The following BMPR1B variants were observed in gnomAD, a reference collection of about 807,000 sequenced individuals.
BMPR1B encodes bone morphogenetic protein receptor type 1B.
In BMPR1B, 12 loss-of-function variants were observed where a neutral mutation model predicts 59.1. The observed-to-expected ratio is 0.20, with a 90% CI of 0.13 to 0.33. The LOEUF (loss-of-function observed/expected upper bound fraction) is 0.33, where lower values mean the gene tolerates loss of function less well. Ranked by LOEUF, BMPR1B falls within the 10% of genes least tolerant of loss-of-function variation. The pLI is 1.00. For synonymous variants in BMPR1B, 237 were observed against 207.3 expected (o/e 1.14, Z -1.23); for missense variants, 550 against 610.9 (o/e 0.90, Z 1.05).
At chr4:95,106,926 A>ATT (rs67979011) in intron 4 of BMPR1B, among the ~76,000 whole-genome samples, 2 of 144,072 alleles carry the variant, frequency 1.4e-5, no homozygotes, top group African/African-American at 2.5e-5. Context: ...ACATTTCTTC[A>ATT]TTTTTTTTTT....
intron 2 of BMPR1B, among the ~76,000 whole-genome samples, chr4:94,918,344 A>G (rs935805999): frequency 3.3e-5 from 5 of 152,284 alleles, no homozygotes; most frequent in African/African-American, 1.2e-4. Flanking sequence ...TTAAATGGCA[A>G]ATGTAGCAAT....
intron 11 of BMPR1B, among the ~76,000 whole-genome samples, chr4:95,151,838 T>C (rs1264915070): frequency 1.3e-5 from 2 of 152,168 alleles, no homozygotes; most frequent in Non-Finnish European, 2.9e-5. Flanking sequence ...CAGCAGCCTC[T>C]AATGTAATTA....
chr4:94,842,108 C>T (rs368862162), intron 1 of BMPR1B, among the ~76,000 whole-genome samples: 2 of 152,166 alleles, frequency 1.3e-5, no homozygotes, highest in East Asian at 3.9e-4. Context: ...GGACAAGTAG[C>T]CTGAAGCACA....
At chr4:95,050,254 CAA>C (rs1456590806) in intron 3 of BMPR1B, among the ~76,000 whole-genome samples, 1 of 152,106 alleles carries the variant, frequency 6.6e-6, no homozygotes, top group African/African-American at 2.4e-5. Context: ...AAATATTACT[CAA>C]AGACAGTTCT....
intron 3 of BMPR1B, among the ~76,000 whole-genome samples, chr4:95,012,821 A>T (rs1281222817): frequency 6.6e-6 from 1 of 152,156 alleles, no homozygotes; most frequent in Non-Finnish European, 1.5e-5. Context: ...TTACACAAAG[A>T]TGATAAAATA....
chr4:94,758,456 G>T (rs1721617351), intron 1 of BMPR1B, among the ~76,000 whole-genome samples: 1 of 151,912 alleles, frequency 6.6e-6, no homozygotes, highest in Non-Finnish European at 1.5e-5. Flanking sequence ...TCGGACCTGC[G>T]AGCGGAGGGA....
chr4:94,880,381 A>G (rs1031053769), intron 2 of BMPR1B, among the ~76,000 whole-genome samples: 4 of 152,142 alleles, frequency 2.6e-5, no homozygotes, highest in African/African-American at 7.2e-5. Context: ...CTGGAGTACA[A>G]TGGCACGATC....
intron 1 of BMPR1B, among the ~76,000 whole-genome samples, chr4:94,813,054 T>C (rs755339677): frequency 2.0e-5 from 3 of 152,076 alleles, no homozygotes; most frequent in Non-Finnish European, 2.9e-5. Flanking sequence ...TCTAATTTTA[T>C]TAACCAATTG....
intron 1 of BMPR1B, among the ~76,000 whole-genome samples, chr4:94,790,502 G>A (rs1722939085): frequency 6.6e-6 from 1 of 152,084 alleles, no homozygotes; most frequent in South Asian, 2.1e-4. Flanking sequence ...ATCCATTCTT[G>A]CTGCCTTCTC....
chr4:94,999,155 G>T (rs1455706542), intron 3 of BMPR1B, among the ~76,000 whole-genome samples: 1 of 152,014 alleles, frequency 6.6e-6, no homozygotes, highest in Non-Finnish European at 1.5e-5. Context: ...TTCTGCCTGA[G>T]ACTGTAATCT....
At chr4:95,149,263 G>A (rs1431910338) in intron 11 of BMPR1B, among the ~76,000 whole-genome samples, 1 of 152,072 alleles carries the variant, frequency 6.6e-6, no homozygotes, top group Non-Finnish European at 1.5e-5. Flanking sequence ...GTCCCTGCCA[G>A]TTTATTCTCA....
rs79724026 is a variant in BMPR1B at position 94,868,564 on chromosome 4, G to T, written c.-182-7267G>T. ...GTGTGGGGAGACCAAATGAAATCCT[G>T]TTTCCTTGGAAGGGACCAATAAGTG... On this transcript the variant is annotated intron_variant, in intron 1 of 12. Transcript: ENST00000515059. Among the ~76,000 whole-genome samples, 372 of 152,312 alleles carry T rather than the reference G, an allele frequency of 2.4e-3. 1 individual carries two copies. Among genetic ancestry groups the T allele is most frequent in the African/African-American group, 7.9e-3 (329 of 41,572 alleles).
chr4:94,996,974 CAGAA>C (rs980386625), intron 3 of BMPR1B, among the ~76,000 whole-genome samples: 3 of 152,126 alleles, frequency 2.0e-5, no homozygotes, highest in Non-Finnish European at 2.9e-5. Flanking sequence ...CTGAAGGAGA[CAGAA>C]AGAATTGTTT....
intron 2 of BMPR1B, among the ~76,000 whole-genome samples, chr4:94,941,722 C>T (rs532786234): frequency 6.6e-6 from 1 of 152,038 alleles, no homozygotes; most frequent in East Asian, 1.9e-4. Flanking sequence ...CAGTGAATTG[C>T]TCTGTGTTTT....
chr4:95,030,027 G>A (rs1724711918), intron 3 of BMPR1B, among the ~76,000 whole-genome samples: 1 of 151,658 alleles, frequency 6.6e-6, no homozygotes. Context: ...CCCTTTGTCA[G>A]ATGAGTAGGT....
In BMPR1B at chr4:95,063,836, G is replaced by C. The variant is rs138383840; in HGVS notation, c.-17-40572G>C. Reference sequence around the variant, plus strand: ...AGAAAAATGAAAATAAACAATAAAAGTAGCAGAAGACACGAACAGGGCATT... The same window carrying C: ...AGAAAAATGAAAATAAACAATAAAACTAGCAGAAGACACGAACAGGGCATT... On this transcript the variant is annotated intron_variant, in intron 3 of 12. Transcript: ENST00000515059. Among the ~76,000 whole-genome samples the C allele has an allele frequency of 4.9e-3, 738 of 152,124 alleles. 2 individuals are homozygous for C. The highest frequency in any genetic ancestry group is 8.1e-3 in the Non-Finnish European group (552 of 67,984).
intron 3 of BMPR1B, chr4:95,103,574 T>A: frequency 1.3e-6 from 1 of 755,164 alleles, no homozygotes; most frequent in Non-Finnish European, 1.6e-6. Context: ...GCTCTTGACA[T>A]GAGGTTTGGT....
At chr4:95,019,520 A>G (rs1322709701) in intron 3 of BMPR1B, among the ~76,000 whole-genome samples, 1 of 152,218 alleles carries the variant, frequency 6.6e-6, no homozygotes, top group Non-Finnish European at 1.5e-5. Flanking sequence ...TTTTAAATAT[A>G]AAGGTGGGTT....
At chr4:94,959,970 G>A (rs1171343173) in intron 2 of BMPR1B, among the ~76,000 whole-genome samples, 1 of 152,136 alleles carries the variant, frequency 6.6e-6, no homozygotes, top group East Asian at 1.9e-4. Context: ...CAGTGTCAAA[G>A]TAAAGGCATA....
Sources: allele counts gnomAD v4.1 joint callset (sites outside exome capture counted in the v4.1 genomes callset), GRCh38; gene constraint gnomAD v4.1.1; transcripts MANE v1.5; gene names NCBI Gene and HGNC (gene_info 2026-07-23, HGNC 2026-07-21).